The following TMEFF1 variants were observed in gnomAD, a reference collection of about 807,000 sequenced individuals.
The protein encoded by TMEFF1 is tomoregulin-1.
TMEFF1 carries 20 observed loss-of-function variants against 47.5 expected under a neutral mutation model. That is an observed-to-expected ratio of 0.42 (90% CI 0.30 to 0.61). The LOEUF (loss-of-function observed/expected upper bound fraction) is 0.61, where lower values mean the gene tolerates loss of function less well. Ranked by LOEUF, TMEFF1 falls within the 20% of genes least tolerant of loss-of-function variation. The pLI is 0.19. For missense variants in TMEFF1, 411 were observed against 471.1 expected, an observed-to-expected ratio of 0.87 and a Z score of 1.18; for synonymous variants, 162 against 166.3, an observed-to-expected ratio of 0.97 and a Z score of 0.20.
intron 5 of TMEFF1, among the ~76,000 whole-genome samples, chr9:100,529,584 T>G (rs1168813939): frequency 6.6e-6 from 1 of 151,816 alleles, no homozygotes; most frequent in African/African-American, 2.4e-5. Flanking sequence ...GCACCCAGAT[T>G]CATAAAGCAA....
chr9:100,546,097 T>C (rs1243189081), intron 5 of TMEFF1, among the ~76,000 whole-genome samples: 1 of 152,192 alleles, frequency 6.6e-6, no homozygotes, highest in East Asian at 1.9e-4. Flanking sequence ...CAAAGTCACT[T>C]CCACATTTTC....
intron 5 of TMEFF1, among the ~76,000 whole-genome samples, chr9:100,527,674 G>C (rs539002131): frequency 6.6e-6 from 1 of 152,178 alleles, no homozygotes; most frequent in Non-Finnish European, 1.5e-5. Flanking sequence ...AGGGGCACCC[G>C]CCATTGCCCA....
At chr9:100,568,106 G>A (rs1477601552) in intron 8 of TMEFF1, among the ~76,000 whole-genome samples, 1 of 152,178 alleles carries the variant, frequency 6.6e-6, no homozygotes, top group East Asian at 1.9e-4. Flanking sequence ...TTCAAGATGG[G>A]ATTGGGGTAG....
intron 8 of TMEFF1, among the ~76,000 whole-genome samples, chr9:100,562,485 A>G (rs1361158041): frequency 6.6e-6 from 1 of 152,122 alleles, no homozygotes; most frequent in Non-Finnish European, 1.5e-5. Flanking sequence ...TAAACTGTTA[A>G]TGGTTGAATA....
rs552156997 is a variant in TMEFF1 at position 100,500,053 on chromosome 9, G to A, written c.306+1179G>A. ...TTCAGATCCCTGCTGCCTGTTGGCT[G>A]GAGACATCATTTCTTTGCCAAGAGC... On this transcript the variant is annotated intron_variant, in intron 2 of 9. Coordinates refer to ENST00000374879, the MANE Select transcript of TMEFF1 (RefSeq NM_003692.5). Among the ~76,000 whole-genome samples the A allele has an allele frequency of 2.0e-5, 3 of 152,272 alleles. No homozygotes were observed. The East Asian group carries it at 5.8e-4, about 29-fold the overall frequency.
chr9:100,507,223 G>GTA (rs1418109655), intron 2 of TMEFF1, among the ~76,000 whole-genome samples: 5 of 152,088 alleles, frequency 3.3e-5, no homozygotes, highest in Non-Finnish European at 7.4e-5. Context: ...GTATTCCTTG[G>GTA]TGTATATATA....
At chr9:100,550,070 A>G in intron 6 of TMEFF1, 25 bp from the exon 7 acceptor site, 1 of 1,598,220 alleles carries the variant, frequency 6.3e-7, no homozygotes, top group South Asian at 1.1e-5. Flanking sequence ...ATATATTTTA[A>G]TTTGAAAACC....
chr9:100,529,856 C>T (rs1838341382), intron 5 of TMEFF1, among the ~76,000 whole-genome samples: 1 of 152,140 alleles, frequency 6.6e-6, no homozygotes, highest in South Asian at 2.1e-4. Flanking sequence ...AAGCTCTCCT[C>T]AGCAAATGTA....
chr9:100,490,413 C>A (rs1481264470), intron 1 of TMEFF1, among the ~76,000 whole-genome samples: 2 of 152,082 alleles, frequency 1.3e-5, no homozygotes, highest in African/African-American at 2.4e-5. Context: ...TGATTTTATA[C>A]CCTGAAATGT....
At chr9:100,497,460 G>A (rs1837672484) in intron 1 of TMEFF1, among the ~76,000 whole-genome samples, 2 of 150,656 alleles carry the variant, frequency 1.3e-5, no homozygotes, top group African/African-American at 4.9e-5. Context: ...CCACCTAGAT[G>A]TGATCTTGCC....
intron 2 of TMEFF1, among the ~76,000 whole-genome samples, chr9:100,505,146 G>A (rs1432218123): frequency 1.3e-5 from 2 of 152,032 alleles, no homozygotes; most frequent in African/African-American, 4.8e-5. Context: ...GGGCGCGGTG[G>A]CTCATGCCTG....
At chr9:100,540,273 C>T (rs1587845748) in intron 5 of TMEFF1, among the ~76,000 whole-genome samples, 1 of 152,222 alleles carries the variant, frequency 6.6e-6, no homozygotes, top group East Asian at 1.9e-4. Context: ...GTTTACAAAC[C>T]TCTAGCTAGA....
chr9:100,509,008 C>T lies in TMEFF1; in HGVS notation c.310C>T (p.His104Tyr), dbSNP rs113629553. ...GLKCACQFQC[H>Y]TNYIPVCGSN... ...TTTATTTTTGTTGCTTTTGCAGTGC[C>T]ATACAAATTATATTCCTGTCTGTGG... The change falls in exon 3 of 10, where the codon CAT (histidine) becomes TAT (tyrosine). Residue 104 changes from histidine to tyrosine, a missense_variant. By Grantham distance (83) the His-to-Tyr change is moderately conservative. Transcript: ENST00000374879. 180 of 1,581,106 alleles carry T rather than the reference C, an allele frequency of 1.1e-4. 1 individual carries two copies. The African/African-American group carries it at 2.0e-3, about 18-fold the overall frequency.
chr9:100,511,415 T>G (rs984703630), intron 3 of TMEFF1, among the ~76,000 whole-genome samples: 2 of 152,194 alleles, frequency 1.3e-5, no homozygotes, highest in African/African-American at 4.8e-5. Flanking sequence ...ACTAAGCCTC[T>G]CTGAGCCCCA....
intron 5 of TMEFF1, among the ~76,000 whole-genome samples, chr9:100,525,912 T>G (rs1457195529): frequency 1.3e-5 from 2 of 152,184 alleles, no homozygotes; most frequent in African/African-American, 4.8e-5. Flanking sequence ...CCTTTGTCTC[T>G]CTCTCCTATA....
intron 2 of TMEFF1, among the ~76,000 whole-genome samples, chr9:100,503,013 T>C (rs560276388): frequency 6.6e-6 from 1 of 152,326 alleles, no homozygotes; most frequent in South Asian, 2.1e-4. Context: ...CATTCTGCCT[T>C]CCTTTATAAG....
intron 1 of TMEFF1, among the ~76,000 whole-genome samples, chr9:100,474,384 T>C (rs1205574903): frequency 6.6e-6 from 1 of 151,484 alleles, no homozygotes. Context: ...TCTGGGGGCT[T>C]AGAGTGACCT....
At chr9:100,499,307 A>G (rs1047041712) in intron 2 of TMEFF1, among the ~76,000 whole-genome samples, 1 of 152,270 alleles carries the variant, frequency 6.6e-6, no homozygotes, top group African/African-American at 2.4e-5. Context: ...ACTCGGGGTA[A>G]GTCAAGGTTA....
intron 1 of TMEFF1, among the ~76,000 whole-genome samples, chr9:100,475,688 A>G (rs1837210466): frequency 6.6e-6 from 1 of 150,390 alleles, no homozygotes; most frequent in Admixed American, 6.6e-5. Flanking sequence ...GATACCCTTG[A>G]GGATGTGGGT....
Sources: gnomAD v4.1 joint callset for allele counts (sites outside exome capture counted in the v4.1 genomes callset) on GRCh38, gnomAD v4.1.1 for gene constraint, MANE v1.5 for transcripts, NCBI Gene and HGNC (gene_info 2026-07-23, HGNC 2026-07-21) for gene names.